BANP: variants seen among roughly 807,000 people sequenced by gnomAD.
BANP encodes the protein protein BANP.
A neutral mutation model predicts 68.1 loss-of-function variants in BANP; 11 were observed. The ratio of observed to expected loss-of-function variants is 0.16; its 90% CI spans 0.10 to 0.27. The LOEUF (loss-of-function observed/expected upper bound fraction) is 0.27. Among genes scored for constraint, BANP ranks in the 10% least tolerant of loss-of-function variants. The pLI is 1.00. For missense variants in BANP, 504 were observed against 722.7 expected (o/e 0.70, Z 3.47); for synonymous variants, 329 against 303.2 (o/e 1.09, Z -0.88).
At chr16:88,029,306 C>CAAAAAAAAAA (rs59989652) in intron 8 of BANP, among the ~76,000 whole-genome samples, 1 of 55,772 alleles carries the variant, frequency 1.8e-5, no homozygotes. Context: ...GACTGTATCT[C>CAAAAAAAAAA]AAAAAAAAAA....
intron 1 of BANP, among the ~76,000 whole-genome samples, chr16:87,953,466 A>G (rs752716091): frequency 7.2e-5 from 11 of 152,140 alleles, no homozygotes; most frequent in Non-Finnish European, 1.0e-4. Context: ...CCTCCTTAGT[A>G]GCCGCTAATA....
intron 10 of BANP, among the ~76,000 whole-genome samples, chr16:88,035,775 C>G (rs2079192025): frequency 6.6e-6 from 1 of 152,252 alleles, no homozygotes; most frequent in Non-Finnish European, 1.5e-5. Flanking sequence ...GACATACCCC[C>G]TCACCTGCCA....
intron 11 of BANP, among the ~76,000 whole-genome samples, chr16:88,053,456 T>G (rs1259887101): frequency 2.7e-5 from 4 of 147,964 alleles, no homozygotes; most frequent in African/African-American, 7.7e-5. Flanking sequence ...ATCTCCATCA[T>G]CATCATCACC....
At chr16:88,015,950 C>T (rs1468007879) in intron 6 of BANP, among the ~76,000 whole-genome samples, 1 of 152,232 alleles carries the variant, frequency 6.6e-6, no homozygotes, top group African/African-American at 2.4e-5. Context: ...GTCACCCTGG[C>T]CTGCGCCCAG....
intron 6 of BANP, among the ~76,000 whole-genome samples, chr16:88,012,411 C>A (rs1216062294): frequency 6.6e-6 from 1 of 152,134 alleles, no homozygotes; most frequent in African/African-American, 2.4e-5. Flanking sequence ...TGAAGACTTA[C>A]CTGGAGATGG....
At chr16:87,997,771 G>T (rs1307493284) in intron 4 of BANP, among the ~76,000 whole-genome samples, 3 of 152,384 alleles carry the variant, frequency 2.0e-5, no homozygotes, top group Middle Eastern at 3.4e-3. Context: ...GGCTGGGAGT[G>T]AGACCATGCA....
intron 1 of BANP, among the ~76,000 whole-genome samples, chr16:87,968,273 C>T (rs995699713): frequency 1.3e-5 from 2 of 151,084 alleles, no homozygotes; most frequent in Admixed American, 6.6e-5. Context: ...CACCTGAGGC[C>T]GGGAGTTCGA....
chr16:88,015,591 G>A (rs2074353151), intron 6 of BANP, among the ~76,000 whole-genome samples: 1 of 152,196 alleles, frequency 6.6e-6, no homozygotes. Flanking sequence ...GCTGCTTCCC[G>A]CTTCCCTGCT....
chr16:87,995,401 A>G (rs2066925124), intron 4 of BANP, among the ~76,000 whole-genome samples: 1 of 152,238 alleles, frequency 6.6e-6, no homozygotes, highest in Non-Finnish European at 1.5e-5. Context: ...ATAAATGTCC[A>G]TGGGAGAAAA....
At chr16:87,981,993 C>T (rs1247662497) in intron 3 of BANP, among the ~76,000 whole-genome samples, 1 of 152,202 alleles carries the variant, frequency 6.6e-6, no homozygotes, top group Non-Finnish European at 1.5e-5. Flanking sequence ...TCTACTTACA[C>T]AGGGTGTCTA....
At chr16:87,971,736 G>T (rs184316193) in intron 1 of BANP, among the ~76,000 whole-genome samples, 1 of 151,798 alleles carries the variant, frequency 6.6e-6, no homozygotes. Context: ...AGCACCCTCC[G>T]TCCTGTTTTC....
intron 8 of BANP, among the ~76,000 whole-genome samples, chr16:88,029,100 A>G (rs1338569989): frequency 6.6e-6 from 1 of 152,152 alleles, no homozygotes; most frequent in African/African-American, 2.4e-5. Flanking sequence ...TGAGGTCAGC[A>G]GTTTGAGACC....
In BANP at chr16:87,971,595, G is replaced by A. The variant is rs372857902; in HGVS notation, c.-68-3453G>A. ...TGGCTAAAAAATTTTTCTTTAAATA[G>A]TGTTTTTATTGGGCTGTATCTTGGT... On this transcript the variant is annotated intron_variant, in intron 1 of 13. Coordinates refer to ENST00000682872, the MANE Select transcript of BANP (RefSeq NM_001386991.1). 4.7e-5 allele frequency among the ~76,000 whole-genome samples: 7 copies of A among 148,152 alleles called. No individual in the cohort carries two copies. The East Asian group carries it at 9.8e-4, about 21-fold the overall frequency.
At chr16:88,058,996 G>A (rs887264674) in intron 11 of BANP, among the ~76,000 whole-genome samples, 4 of 151,966 alleles carry the variant, frequency 2.6e-5, no homozygotes, top group African/African-American at 9.7e-5. Flanking sequence ...CTCCAGTGGT[G>A]TCCCTCACGC....
At chr16:88,008,796 G>A (rs2072081293) in intron 6 of BANP, among the ~76,000 whole-genome samples, 1 of 152,202 alleles carries the variant, frequency 6.6e-6, no homozygotes. Context: ...TACAACACAG[G>A]TTGTTAGGAT....
chr16:87,954,723 G>T (rs1597665683), intron 1 of BANP, among the ~76,000 whole-genome samples: 1 of 152,270 alleles, frequency 6.6e-6, no homozygotes, highest in East Asian at 1.9e-4. Context: ...TGCCCCCGGT[G>T]CTTTCCCTCT....
At chr16:88,042,394 C>T (rs912883777) in intron 11 of BANP, among the ~76,000 whole-genome samples, 5 of 152,234 alleles carry the variant, frequency 3.3e-5, no homozygotes, top group African/African-American at 1.2e-4. Flanking sequence ...TCAGCCTCCC[C>T]TCCAGGAGCG....
chr16:88,061,826 C>T (rs1021408318), intron 11 of BANP, among the ~76,000 whole-genome samples: 12 of 152,162 alleles, frequency 7.9e-5, no homozygotes, highest in East Asian at 7.7e-4. Context: ...CCACCATGCC[C>T]GGCTAATTTT....
chr16:87,961,068 A>G (rs1284825996), intron 1 of BANP, among the ~76,000 whole-genome samples: 2 of 152,202 alleles, frequency 1.3e-5, no homozygotes, highest in African/African-American at 2.4e-5. Context: ...CATTTTCCAG[A>G]TGGTCGATGC....
Sources: allele counts gnomAD v4.1 joint callset (sites outside exome capture counted in the v4.1 genomes callset), GRCh38; gene constraint gnomAD v4.1.1; transcripts MANE v1.5; gene names NCBI Gene and HGNC (gene_info 2026-07-23, HGNC 2026-07-21).